The following FBXO11 variants were observed in gnomAD, a reference collection of about 807,000 sequenced individuals.
FBXO11 encodes the protein F-box protein 11.
A neutral mutation model predicts 117.0 loss-of-function variants in FBXO11; 13 were observed. The observed-to-expected ratio is 0.11, with a 90% CI of 0.07 to 0.18. FBXO11 has a LOEUF of 0.18. FBXO11 is among the 10% of genes least tolerant of loss of function. FBXO11 has a pLI of 1.00. For synonymous variants in FBXO11, 490 were observed against 380.5 expected (o/e 1.29, Z -3.35); for missense variants, 767 against 1,164.4 (o/e 0.66, Z 4.97).
chr2:47,901,096 CA>C (rs1177293801), intron 1 of FBXO11, among the ~76,000 whole-genome samples: 1 of 101,102 alleles, frequency 9.9e-6, no homozygotes, highest in Admixed American at 9.6e-5. Context: ...CATATATATA[CA>C]TATATATGTA....
rs549689998 is a variant in FBXO11, at chr2:47,820,276, T to C, written c.1797+86A>G. ...AAATTCATACCTCAAAAGTTGAATA[T>C]GGCCTACCTAAAAGCTTGAGGAGAA... is the stretch of plus-strand genomic sequence containing the variant. On this transcript the variant is annotated intron_variant, in intron 14 of 22. Transcript: ENST00000403359. 304 of 913,920 alleles carry C rather than the reference T, an allele frequency of 3.3e-4. 2 individuals carry two copies. In the African/African-American group the frequency reaches 4.2e-3, roughly 13 times the overall value. 56.6% of individuals were successfully genotyped at this position (913,920 alleles called of 1,614,324 possible).
chr2:47,853,334 T>C (rs1674022920), intron 1 of FBXO11, among the ~76,000 whole-genome samples: 2 of 152,096 alleles, frequency 1.3e-5, no homozygotes, highest in East Asian at 3.8e-4. Flanking sequence ...CCTCCCACAG[T>C]GCTGAGATTA....
At chr2:47,842,374 T>C (rs548161149) in intron 1 of FBXO11, among the ~76,000 whole-genome samples, 3 of 152,334 alleles carry the variant, frequency 2.0e-5, no homozygotes, top group Admixed American at 1.3e-4. Flanking sequence ...GGCAAAGTTC[T>C]AGTTCTTGCC....
At chr2:47,889,388 A>C (rs1677098769) in intron 1 of FBXO11, among the ~76,000 whole-genome samples, 1 of 152,182 alleles carries the variant, frequency 6.6e-6, no homozygotes, top group Non-Finnish European at 1.5e-5. Context: ...AAAGCAACAA[A>C]ATTTAGTTGA....
chr2:47,822,179 C>T (rs769608850), intron 13 of FBXO11, 39 bp downstream of exon 13: 1 of 1,360,164 alleles, frequency 7.4e-7, no homozygotes, highest in East Asian at 2.3e-5. Context: ...AGAAGACATA[C>T]AAATCTATAA....
Position 47,843,196 on chromosome 2 carries a change from A to C in FBXO11, c.233-3427T>G, listed in dbSNP as rs527456612. ...GAGGTCTAATATGTGTAATTCTATA[A>C]ATGTTTGTATATTAATAATATGACC... On this transcript the variant is annotated intron_variant, in intron 1 of 22. Coordinates refer to ENST00000403359, the MANE Select transcript of FBXO11 (RefSeq NM_001190274.2). Among the ~76,000 whole-genome samples, 32 of 152,306 alleles carry C rather than the reference A, an allele frequency of 2.1e-4. No homozygotes were observed. In the South Asian group the frequency reaches 6.4e-3, roughly 31 times the overall value.
intron 1 of FBXO11, among the ~76,000 whole-genome samples, chr2:47,887,712 T>C (rs1164856634): frequency 6.6e-6 from 1 of 151,910 alleles, no homozygotes; most frequent in East Asian, 1.9e-4. Flanking sequence ...AATACAAAAA[T>C]TAGCCGGGCA....
chr2:47,897,165 C>G (rs889021008), intron 1 of FBXO11, among the ~76,000 whole-genome samples: 4 of 152,166 alleles, frequency 2.6e-5, no homozygotes, highest in African/African-American at 9.7e-5. Context: ...CCCTTTCCTA[C>G]TAAGTGTTAG....
chr2:47,862,326 G>A (rs1256866356), intron 1 of FBXO11, among the ~76,000 whole-genome samples: 3 of 152,196 alleles, frequency 2.0e-5, no homozygotes, highest in African/African-American at 7.2e-5. Context: ...AACCAGGGTT[G>A]AAAGCCATTG....
intron 1 of FBXO11, among the ~76,000 whole-genome samples, chr2:47,854,952 T>C (rs1261906787): frequency 6.6e-6 from 1 of 151,424 alleles, no homozygotes; most frequent in Non-Finnish European, 1.5e-5. Flanking sequence ...AACGTGCATA[T>C]AAGAAACTAA....
chr2:47,840,451 CT>C (rs34381400), intron 1 of FBXO11, among the ~76,000 whole-genome samples: 9,356 of 132,516 alleles, frequency 0.071, 419 homozygotes, highest in Admixed American at 0.13. Context: ...GTATGAACAT[CT>C]TTTTTTTTTT....
At chr2:47,829,107 C>A (rs949664987) in intron 11 of FBXO11, among the ~76,000 whole-genome samples, 2 of 152,062 alleles carry the variant, frequency 1.3e-5, no homozygotes, top group East Asian at 3.9e-4. Context: ...GTTGGCCAGG[C>A]TGGTCTTGAA....
chr2:47,876,882 T>C (rs1056288055), intron 1 of FBXO11, among the ~76,000 whole-genome samples: 5 of 152,128 alleles, frequency 3.3e-5, no homozygotes, highest in Non-Finnish European at 5.9e-5. Flanking sequence ...CTTTTGAATA[T>C]TGAACTTAGG....
chr2:47,848,383 C>T (rs1372693544), intron 1 of FBXO11, among the ~76,000 whole-genome samples: 2 of 152,076 alleles, frequency 1.3e-5, no homozygotes. Context: ...CTAGGTTGTG[C>T]ACTTCTTATG....
chr2:47,855,544 A>T (rs542624262), intron 1 of FBXO11, among the ~76,000 whole-genome samples: 3 of 152,340 alleles, frequency 2.0e-5, no homozygotes, highest in Admixed American at 6.5e-5. Context: ...ACAAAAATAA[A>T]GGAATGTGGC....
chr2:47,820,645 T>C (rs1202489954), intron 13 of FBXO11, among the ~76,000 whole-genome samples, 189 bp from the exon 14 acceptor site: 2 of 152,228 alleles, frequency 1.3e-5, no homozygotes, highest in Non-Finnish European at 2.9e-5. Flanking sequence ...TATGCTATAG[T>C]TGTGGAGCCG....
chr2:47,855,705 G>A (rs1674237499), intron 1 of FBXO11, among the ~76,000 whole-genome samples: 1 of 151,858 alleles, frequency 6.6e-6, no homozygotes, highest in African/African-American at 2.4e-5. Flanking sequence ...GGTGGTGCAT[G>A]CCTATAATCA....
chr2:47,835,841 T>C (rs775851416), intron 5 of FBXO11, 31 bp downstream of exon 5: 1 of 1,532,068 alleles, frequency 6.5e-7, no homozygotes, highest in Admixed American at 1.9e-5. Flanking sequence ...ATGTATAATA[T>C]AAACCAATAT....
At chr2:47,843,431 C>CT (rs201381675) in intron 1 of FBXO11, among the ~76,000 whole-genome samples, 265 of 138,948 alleles carry the variant, frequency 1.9e-3, no homozygotes, top group Middle Eastern at 7.5e-3. Flanking sequence ...TGTAGTTAAT[C>CT]TTTTTTTTTT....
Sources: gnomAD v4.1 joint callset for allele counts (sites outside exome capture counted in the v4.1 genomes callset) on GRCh38, gnomAD v4.1.1 for gene constraint, MANE v1.5 for transcripts, NCBI Gene and HGNC (gene_info 2026-07-23, HGNC 2026-07-21) for gene names.